NF1: variants seen among roughly 807,000 people sequenced by gnomAD.
The protein encoded by NF1 is neurofibromin 1.
Under a neutral mutation model 325.7 loss-of-function variants are expected in NF1, and 122 were observed. The ratio of observed to expected loss-of-function variants is 0.37; its 90% CI spans 0.32 to 0.44. The LOEUF (loss-of-function observed/expected upper bound fraction) is 0.44, where lower values mean the gene tolerates loss of function less well. Among genes scored for constraint, NF1 ranks in the 20% least tolerant of loss-of-function variants. The probability of loss-of-function intolerance (pLI) is 1.00; values close to 1 mark genes in which losing one functional copy is unlikely to be tolerated. For missense variants in NF1, 2,140 were observed against 3,415.4 expected (o/e 0.63, Z 9.31); for synonymous variants, 1,091 against 1,186.0 (o/e 0.92, Z 1.65).
intron 36 of NF1, among the ~76,000 whole-genome samples, chr17:31,310,652 A>G (rs970612626): frequency 6.6e-6 from 1 of 151,362 alleles, no homozygotes; most frequent in Non-Finnish European, 1.5e-5. Flanking sequence ...TTTTTCCCTG[A>G]CACTATCCAG....
At chr17:31,201,599 G>A (rs17884067) in intron 11 of NF1, 114 bp downstream of exon 11, 9 of 757,312 alleles carry the variant, frequency 1.2e-5, no homozygotes, top group African/African-American at 5.3e-5. Context: ...GAATTTAGAT[G>A]TATGAAATAG....
intron 31 of NF1, chr17:31,253,735 T>C (rs1319189825): frequency 1.3e-5 from 2 of 152,254 alleles, no homozygotes; most frequent in African/African-American, 4.8e-5. Flanking sequence ...AGAGTCGTAA[T>C]TATTTTCTTC....
chr17:31,259,185 C>T, intron 33 of NF1, 56 bp downstream of exon 33: 5 of 1,241,778 alleles, frequency 4.0e-6, no homozygotes, highest in Non-Finnish European at 5.8e-6. Context: ...TTTTCGGTTT[C>T]ACATAAATCC....
At chr17:31,346,590 G>T (rs965199631) in intron 48 of NF1, among the ~76,000 whole-genome samples, 6 of 151,018 alleles carry the variant, frequency 4.0e-5, no homozygotes, top group Admixed American at 2.0e-4. Context: ...GCACCAGGAA[G>T]CCTGAGAATG....
chr17:31,242,812 G>T (rs1205715137), intron 29 of NF1, among the ~76,000 whole-genome samples: 1 of 152,012 alleles, frequency 6.6e-6, no homozygotes, highest in Non-Finnish European at 1.5e-5. Flanking sequence ...TAATTCCTTC[G>T]GTGGGTCATG....
At chr17:31,124,490 A>G (rs1479724068) in intron 1 of NF1, among the ~76,000 whole-genome samples, 1 of 145,468 alleles carries the variant, frequency 6.9e-6, no homozygotes, top group Non-Finnish European at 1.5e-5. Context: ...CATTTCTGGT[A>G]TAGAGGAACA....
intron 36 of NF1, among the ~76,000 whole-genome samples, chr17:31,301,719 C>G (rs2068577914): frequency 6.6e-6 from 1 of 152,156 alleles, no homozygotes; most frequent in Non-Finnish European, 1.5e-5. Flanking sequence ...AATACCACTT[C>G]TAAGCACATC....
intron 1 of NF1, among the ~76,000 whole-genome samples, chr17:31,118,588 G>C (rs993851166): frequency 8.5e-5 from 13 of 152,068 alleles, no homozygotes; most frequent in Non-Finnish European, 1.6e-4. Flanking sequence ...ATGGTTTCCA[G>C]CTTCATCCAT....
intron 36 of NF1, chr17:31,295,904 T>C: frequency 1.2e-6 from 2 of 1,614,184 alleles, no homozygotes; most frequent in Non-Finnish European, 1.7e-6. Flanking sequence ...TCTTAGTGTA[T>C]TTTTAATGAG....
At chr17:31,245,041 A>T (rs1473453022) in intron 29 of NF1, among the ~76,000 whole-genome samples, 1 of 152,056 alleles carries the variant, frequency 6.6e-6, no homozygotes, top group Non-Finnish European at 1.5e-5. Flanking sequence ...GTGGGAAGCA[A>T]GAGAGCACTG....
Position 31,234,986 on chromosome 17 carries a change from CAG to C in NF1, c.3709-620_3709-619del, listed in dbSNP as rs1223226962. Among the ~76,000 whole-genome samples the C allele has an allele frequency of 7.2e-5, 11 of 152,208 alleles. No homozygotes were observed. In the East Asian group the frequency reaches 2.1e-3, roughly 29 times the overall value. On this transcript the variant is annotated intron_variant, in intron 27 of 57. Transcript: ENST00000358273. ...GAGTGTACCCCAAACTGTTTTACTA[CAG>C]AGAGTTATAAAGGATGTCATTTAGG...
chr17:31,217,196 C>T (rs772548618), intron 13 of NF1, among the ~76,000 whole-genome samples: 23 of 151,992 alleles, frequency 1.5e-4, no homozygotes, highest in Non-Finnish European at 2.4e-4. Context: ...AATAAGCTAA[C>T]GGTTTTGAAT....
intron 46 of NF1, among the ~76,000 whole-genome samples, chr17:31,339,104 G>A (rs2069756105): frequency 6.6e-6 from 1 of 152,066 alleles, no homozygotes; most frequent in South Asian, 2.1e-4. Flanking sequence ...CTATTGCCAA[G>A]TACTGTTTTA....
At chr17:31,361,689 A>G (rs2070404566) in intron 57 of NF1, 1 of 152,220 alleles carries the variant, frequency 6.6e-6, no homozygotes, top group Non-Finnish European at 1.5e-5. Flanking sequence ...AAAAAATCCA[A>G]TGACATAACT....
Position 31,261,734 on chromosome 17 carries a change from G to A in NF1, c.4601G>A (p.Arg1534Gln), listed in dbSNP as rs867955218. ...SNRDHKAVGR[R>Q]PFDKMATLLA... Reference sequence around the variant, plus strand: ...AGGGATCATAAAGCTGTTGGAAGACGACCTTTTGATAAGATGGCAACACTT... The same window carrying A: ...AGGGATCATAAAGCTGTTGGAAGACAACCTTTTGATAAGATGGCAACACTT... The change falls in exon 35 of 58, where the codon CGA (arginine) becomes CAA (glutamine). Residue 1534 changes from arginine (R) to glutamine (Q), a missense_variant. By Grantham distance (43) the Arg-to-Gln change is conservative (BLOSUM62 1). Transcript: ENST00000358273. The A allele has an allele frequency of 3.7e-6, 6 of 1,611,938 alleles. No homozygotes were observed. Among genetic ancestry groups the A allele is most frequent in the Non-Finnish European group, 4.2e-6 (5 of 1,179,940 alleles).
chr17:31,370,632 G>A (rs2070617715), intron 57 of NF1, among the ~76,000 whole-genome samples: 1 of 152,134 alleles, frequency 6.6e-6, no homozygotes, highest in Non-Finnish European at 1.5e-5. Context: ...TACAATTTAT[G>A]TAATTGTAAT....
chr17:31,285,434 T>C (rs2068207303), intron 36 of NF1, among the ~76,000 whole-genome samples: 1 of 152,148 alleles, frequency 6.6e-6, no homozygotes, highest in African/African-American at 2.4e-5. Flanking sequence ...GGAAATAATT[T>C]TTTGGAAGTG....
chr17:31,263,107 G>GTAGATAGA (rs1163819126), intron 35 of NF1, among the ~76,000 whole-genome samples: 38 of 60,124 alleles, frequency 6.3e-4, no homozygotes, highest in Non-Finnish European at 1.4e-3. Context: ...AGGTAGGTAG[G>GTAGATAGA]TAGATAGATA....
intron 36 of NF1, among the ~76,000 whole-genome samples, chr17:31,267,237 T>G (rs2067807994): frequency 1.3e-5 from 2 of 152,164 alleles, no homozygotes; most frequent in Non-Finnish European, 2.9e-5. Context: ...TGGCCTTAGC[T>G]GCATAATCTT....
Sources: allele counts gnomAD v4.1 joint callset (sites outside exome capture counted in the v4.1 genomes callset), GRCh38; gene constraint gnomAD v4.1.1; transcripts MANE v1.5; gene names NCBI Gene and HGNC (gene_info 2026-07-23, HGNC 2026-07-21).